The following VPS54 variants were observed in gnomAD, a reference collection of about 807,000 sequenced individuals.
VPS54 encodes vacuolar protein sorting-associated protein 54.
VPS54 carries 45 observed loss-of-function variants against 121.5 expected under a neutral mutation model. That is an observed-to-expected ratio of 0.37 (90% CI 0.29 to 0.47). VPS54 has a LOEUF of 0.47. Among genes scored for constraint, VPS54 ranks in the 20% least tolerant of loss-of-function variants. The pLI is 0.99. For missense variants in VPS54, 1,090 were observed against 1,131.4 expected, an observed-to-expected ratio of 0.96 and a Z score of 0.52; for synonymous variants, 371 against 385.8, an observed-to-expected ratio of 0.96 and a Z score of 0.45.
Position 63,921,350 on chromosome 2 carries a change from A to G in VPS54, c.1740-15T>C, listed in dbSNP as rs773479230. 5.6e-6 allele frequency: 9 copies of G among 1,609,980 alleles called. No homozygotes were observed. In the Admixed American group the frequency reaches 6.7e-5, roughly 12 times the overall value. On this transcript the variant is annotated splice_polypyrimidine_tract_variant and intron_variant, in intron 12 of 22. Transcript: ENST00000272322. ...CTTCACTGACCCTGAAAATAACAAA[A>G]TAAGATTTAGTCAGGGAAAGTTGTA...
chr2:64,011,732 T>C (rs1221218985), intron 1 of VPS54, among the ~76,000 whole-genome samples: 1 of 152,168 alleles, frequency 6.6e-6, no homozygotes, highest in African/African-American at 2.4e-5. Context: ...AGTGAAATTT[T>C]TGTCAGTCAA....
At position 63,947,402 on chromosome 2, in the gene VPS54, G is replaced by T. The variant is rs766365876; in HGVS notation, c.1226C>A (p.Ala409Glu). Residue 409 changes from alanine to glutamate, a missense_variant, in exon 9 of 23, where the codon GCA becomes GAA. Physicochemically the swap from Ala to Glu is moderately radical, Grantham distance 107. Transcript: ENST00000272322. ...AATTACCTGTTTAATGATATTCTTT[G>T]CTGTAATAACCATTTTTTCACCATA... ...EIYGEKMVIT[A>E]KNIIKQCVIN... 1 of 1,558,552 alleles carries T rather than the reference G, an allele frequency of 6.4e-7. No individual in the cohort carries two copies. Among genetic ancestry groups the T allele is most frequent in the South Asian group, 1.1e-5 (1 of 87,770 alleles).
chr2:63,926,789 T>A (rs781613444), intron 12 of VPS54, among the ~76,000 whole-genome samples: 17 of 152,152 alleles, frequency 1.1e-4, no homozygotes, highest in Non-Finnish European at 2.2e-4. Context: ...GCCCAAATAC[T>A]GTGCTTTTCC....
chr2:63,978,638 T>C (rs897358990), intron 3 of VPS54, among the ~76,000 whole-genome samples: 1 of 152,224 alleles, frequency 6.6e-6, no homozygotes, highest in African/African-American at 2.4e-5. Flanking sequence ...GTTTTGTTTT[T>C]TGAGATGGAG....
At chr2:63,952,699 G>A (rs962696086) in intron 7 of VPS54, among the ~76,000 whole-genome samples, 1 of 152,102 alleles carries the variant, frequency 6.6e-6, no homozygotes, top group Admixed American at 6.6e-5. Flanking sequence ...ATAGTTAATA[G>A]ACTAAAAACG....
chr2:63,897,509 C>A lies in VPS54; in HGVS notation c.2815G>T (p.Gly939Ter), dbSNP rs1230833830. The A allele has an allele frequency of 6.3e-7, 1 of 1,595,914 alleles. No homozygotes were observed. The highest frequency in any genetic ancestry group is 1.7e-5 in the Admixed American group (1 of 57,740). ...TAAAAAACATACCCATTTTGAGGTC[C>A]TCCATCATTTATCACATTTAAGTGA... The part of the protein sequence containing the change: ...LSHLNVINDG[G>*]PQNGLVTADV... Residue 939 changes from glycine (G) to a stop codon, truncating the protein, a stop_gained, in exon 22 of 23, where the codon GGA becomes TGA. Transcript: ENST00000272322. LOFTEE classifies it high-confidence loss of function.
chr2:63,921,257 G>T lies in VPS54; in HGVS notation c.1818C>A (p.Ala606=), dbSNP rs1339242507. The change falls in exon 13 of 23, where the codon GCC becomes GCA. Residue 606 remains alanine, a synonymous_variant. Coordinates refer to ENST00000272322, the MANE Select transcript of VPS54 (RefSeq NM_016516.3). Reference sequence around the variant, plus strand: ...CAGCTCGATCATGGCATATATCTGAGGCACTATATAATAATTCCTGGATAT... The same window carrying T: ...CAGCTCGATCATGGCATATATCTGATGCACTATATAATAATTCCTGGATAT... ...ANNIQELLYS[A]SDICHDRAVK... 6.2e-7 allele frequency: 1 copy of T among 1,612,994 alleles called. No homozygotes were observed. Among genetic ancestry groups the T allele is most frequent in the Non-Finnish European group, 8.5e-7 (1 of 1,179,434 alleles).
At chr2:64,016,749 C>G (rs1188594064) in intron 1 of VPS54, among the ~76,000 whole-genome samples, 1 of 151,742 alleles carries the variant, frequency 6.6e-6, no homozygotes, top group Admixed American at 6.6e-5. Context: ...GCTGGGATGA[C>G]AGGCGCTCAC....
intron 12 of VPS54, among the ~76,000 whole-genome samples, chr2:63,932,665 A>C (rs1034633961): frequency 1.3e-5 from 2 of 151,926 alleles, no homozygotes; most frequent in African/African-American, 2.4e-5. Flanking sequence ...AAAAAAAAAA[A>C]CAGAAAAAGA....
At chr2:63,935,753 C>G (rs1029462720) in intron 11 of VPS54, among the ~76,000 whole-genome samples, 1 of 152,154 alleles carries the variant, frequency 6.6e-6, no homozygotes, top group African/African-American at 2.4e-5. Flanking sequence ...ATAATCAGTG[C>G]ACAGCATTTT....
At chr2:63,893,893 T>A (rs897900212) in intron 22 of VPS54, among the ~76,000 whole-genome samples, 4 of 152,216 alleles carry the variant, frequency 2.6e-5, no homozygotes, top group African/African-American at 9.6e-5. Context: ...ATGGGAGTGC[T>A]GACTAAAATA....
chr2:63,911,134 T>A (rs1351344572), intron 20 of VPS54, among the ~76,000 whole-genome samples: 3 of 152,200 alleles, frequency 2.0e-5, no homozygotes, highest in Non-Finnish European at 4.4e-5. Flanking sequence ...CACAATATGT[T>A]ACCGACTTTT....
At chr2:64,010,647 C>T (rs1678386203) in intron 1 of VPS54, among the ~76,000 whole-genome samples, 1 of 151,048 alleles carries the variant, frequency 6.6e-6, no homozygotes, top group Non-Finnish European at 1.5e-5. Context: ...TACCTATACA[C>T]AAATAGCAAT....
At chr2:63,934,058 T>G in intron 11 of VPS54, 45 bp from the exon 12 acceptor site, 1 of 1,510,056 alleles carries the variant, frequency 6.6e-7, no homozygotes, top group Non-Finnish European at 8.9e-7. Context: ...AAAATGTCTC[T>G]TACCTGAAGT....
intron 20 of VPS54, among the ~76,000 whole-genome samples, chr2:63,911,248 A>C (rs1413462275): frequency 6.6e-6 from 1 of 152,176 alleles, no homozygotes; most frequent in Non-Finnish European, 1.5e-5. Flanking sequence ...AAGCATCTCT[A>C]AACAGTAATT....
chr2:64,008,070 A>C (rs1037984427), intron 1 of VPS54, among the ~76,000 whole-genome samples: 23 of 151,988 alleles, frequency 1.5e-4, no homozygotes, highest in African/African-American at 5.3e-4. Flanking sequence ...CGGAGACCTG[A>C]CCATATTTGT....
chr2:63,900,301 T>C (rs1672627363), intron 20 of VPS54, among the ~76,000 whole-genome samples: 1 of 151,230 alleles, frequency 6.6e-6, no homozygotes, highest in South Asian at 2.1e-4. Flanking sequence ...AGAATAAATA[T>C]GTTTTTTATT....
At chr2:63,977,707 C>A (rs1441945610) in intron 3 of VPS54, among the ~76,000 whole-genome samples, 2 of 152,322 alleles carry the variant, frequency 1.3e-5, no homozygotes, top group Admixed American at 6.5e-5. Context: ...GAGTCTGATT[C>A]TGATACTTGA....
chr2:63,970,666 T>C (rs1676243162), intron 4 of VPS54, among the ~76,000 whole-genome samples: 1 of 152,224 alleles, frequency 6.6e-6, no homozygotes, highest in Non-Finnish European at 1.5e-5. Flanking sequence ...GTTCTTACTT[T>C]CTGAAATCCT....
Sources: allele counts gnomAD v4.1 joint callset (sites outside exome capture counted in the v4.1 genomes callset), GRCh38; gene constraint gnomAD v4.1.1; transcripts MANE v1.5; gene names NCBI Gene and HGNC (gene_info 2026-07-23, HGNC 2026-07-21).